Variants in ANKRD17 observed in about 807,000 individuals in gnomAD.
ANKRD17 encodes ankyrin repeat domain-containing protein 17.
Under a neutral mutation model 229.7 loss-of-function variants are expected in ANKRD17, and 19 were observed. The ratio of observed to expected loss-of-function variants is 0.08; its 90% confidence interval spans 0.06 to 0.12. The LOEUF is 0.12. ANKRD17 is among the 10% of genes least tolerant of loss of function. ANKRD17 has a pLI of 1.00. For synonymous variants in ANKRD17, 1,112 were observed against 1,146.1 expected (o/e 0.97, Z 0.60); for missense variants, 2,176 against 3,176.8 (o/e 0.68, Z 7.57).
chr4:73,111,156 A>G (rs1223730154), intron 24 of ANKRD17, among the ~76,000 whole-genome samples: 4 of 152,190 alleles, frequency 2.6e-5, no homozygotes, highest in Non-Finnish European at 5.9e-5. Flanking sequence ...CCCTGTATAT[A>G]TATGTTTTTT....
intron 1 of ANKRD17, among the ~76,000 whole-genome samples, chr4:73,178,833 A>T (rs967592076): frequency 2.0e-5 from 3 of 152,160 alleles, no homozygotes; most frequent in Non-Finnish European, 4.4e-5. Flanking sequence ...GCTACTTACA[A>T]ATAGGTACTA....
Position 73,085,320 on chromosome 4 carries a change from G to A in ANKRD17, c.7088C>T (p.Ala2363Val), listed in dbSNP as rs752354539. The A allele has an allele frequency of 6.2e-7, 1 of 1,614,120 alleles. No homozygotes were observed. The highest frequency in any genetic ancestry group is 8.5e-7 in the Non-Finnish European group (1 of 1,180,026). ...GPGAPLGGAP[A>V]AANFNRQHFS... ...ATGTTGTCTGTTAAAGTTAGCAGCT[G>A]CGGGTGCTCCTCCAAGGGGTGCCCC... is the stretch of plus-strand genomic sequence containing the variant. Residue 2363 changes from alanine to valine, a missense_variant, in exon 30 of 34, where the codon GCA becomes GTA. Coordinates refer to ENST00000358602, the MANE Select transcript of ANKRD17 (RefSeq NM_032217.5).
At position 73,177,352 on chromosome 4, in the gene ANKRD17, T is replaced by C. The variant is rs747012178; in HGVS notation, c.547+28A>G. ...TGATGTGCAACTTTACATAACAAGG[T>C]AGACTTATTACTATGTAGAGTACAT... On this transcript the variant is annotated intron_variant, in intron 2 of 33. Transcript: ENST00000358602. 1.6e-5 allele frequency: 23 copies of C among 1,474,792 alleles called. 3 individuals are homozygous for C. Among genetic ancestry groups the C allele is most frequent in the Non-Finnish European group, 1.7e-5 (19 of 1,101,810 alleles). 91.4% of individuals were successfully genotyped at this position (1,474,792 alleles called of 1,614,324 possible).
intron 2 of ANKRD17, among the ~76,000 whole-genome samples, chr4:73,171,709 G>A (rs1188175329): frequency 3.3e-5 from 5 of 152,104 alleles, no homozygotes; most frequent in Non-Finnish European, 7.4e-5. Flanking sequence ...TAAATTTAAC[G>A]AAGAGACTGA....
chr4:73,158,117 AGAGAAAGAAAGAAG>A (rs1187654244), intron 3 of ANKRD17, among the ~76,000 whole-genome samples: 3 of 144,644 alleles, frequency 2.1e-5, no homozygotes, highest in African/African-American at 7.7e-5. Context: ...GGAAAGAAGG[AGAGAAAGAAAGAAG>A]GAGAAAGAAA....
intron 1 of ANKRD17, among the ~76,000 whole-genome samples, chr4:73,232,688 AACAACTAGGTAG>A (rs1265443100): frequency 6.6e-6 from 1 of 152,070 alleles, no homozygotes; most frequent in African/African-American, 2.4e-5. Flanking sequence ...AGCAGTATTA[AACAACTAGGTAG>A]AGGCCACCAC....
intron 7 of ANKRD17, 34 bp downstream of exon 7, chr4:73,151,396 T>C (rs1242348755): frequency 4.4e-6 from 7 of 1,590,744 alleles, no homozygotes; most frequent in Non-Finnish European, 6.0e-6. Context: ...CTGGTTAATA[T>C]ATAAACATAT....
At chr4:73,253,312 G>A (rs529390304) in intron 1 of ANKRD17, among the ~76,000 whole-genome samples, 2 of 152,312 alleles carry the variant, frequency 1.3e-5, no homozygotes, top group South Asian at 4.1e-4. Flanking sequence ...AAATCAAGGT[G>A]ACTTACAAGT....
chr4:73,181,498 G>T (rs183020435), intron 1 of ANKRD17, among the ~76,000 whole-genome samples: 152 of 152,216 alleles, frequency 1.0e-3, no homozygotes, highest in Admixed American at 3.9e-3. Context: ...CAAAACAAGT[G>T]AAGAGAGACT....
In ANKRD17 at chr4:73,186,651, A is replaced by G. The variant is rs1017348835; in HGVS notation, c.394-9118T>C. Reference sequence around the variant, plus strand: ...TGCTTCAAACTGCTATTTGCCTGCAACAATTGAGTATGACATTACTAACAA... The same window carrying G: ...TGCTTCAAACTGCTATTTGCCTGCAGCAATTGAGTATGACATTACTAACAA... On this transcript the variant is annotated intron_variant, in intron 1 of 33. Transcript: ENST00000358602. Among the ~76,000 whole-genome samples the G allele has an allele frequency of 4.3e-4, 66 of 152,188 alleles. 2 individuals carry two copies. Among genetic ancestry groups the G allele is most frequent in the Non-Finnish European group, 5.9e-5 (4 of 68,006 alleles).
chr4:73,185,532 A>C (rs1560679661), intron 1 of ANKRD17, among the ~76,000 whole-genome samples: 1 of 152,060 alleles, frequency 6.6e-6, no homozygotes, highest in Non-Finnish European at 1.5e-5. Flanking sequence ...TAATAAATCC[A>C]GTCAATGCAG....
At chr4:73,221,341 TTGTTC>T (rs1741826979) in intron 1 of ANKRD17, among the ~76,000 whole-genome samples, 1 of 152,032 alleles carries the variant, frequency 6.6e-6, no homozygotes, top group African/African-American at 2.4e-5. Flanking sequence ...AAAAAGCCAG[TTGTTC>T]AGGTAGCATT....
Position 73,083,210 on chromosome 4 carries a change from T to TGGTA in ANKRD17, c.7159+2035_7159+2038dup, listed in dbSNP as rs572422947. ...TCAAATGCAATATGTGAGCCTTGAG[T>TGGTA]GGTAGTTCCTGGTTCAAGAAAGAAA... is the stretch of plus-strand genomic sequence containing the variant. On this transcript the variant is annotated intron_variant, in intron 30 of 33. Coordinates refer to ENST00000358602, the MANE Select transcript of ANKRD17 (RefSeq NM_032217.5). 4.6e-5 allele frequency among the ~76,000 whole-genome samples: 7 copies of TGGTA among 152,282 alleles called. No homozygotes were observed. The East Asian group carries it at 1.3e-3, about 29-fold the overall frequency.
At chr4:73,194,884 T>A (rs1418328359) in intron 1 of ANKRD17, among the ~76,000 whole-genome samples, 1 of 152,142 alleles carries the variant, frequency 6.6e-6, no homozygotes, top group African/African-American at 2.4e-5. Flanking sequence ...GCACAAAAAC[T>A]ACATACATAC....
At chr4:73,246,816 T>A (rs1251606884) in intron 1 of ANKRD17, among the ~76,000 whole-genome samples, 2 of 152,096 alleles carry the variant, frequency 1.3e-5, no homozygotes, top group Non-Finnish European at 2.9e-5. Flanking sequence ...ATCAGTCAAC[T>A]GCTATAAAAA....
intron 26 of ANKRD17, among the ~76,000 whole-genome samples, chr4:73,097,854 C>CAA (rs11390517): frequency 4.8e-5 from 7 of 145,582 alleles, no homozygotes; most frequent in Admixed American, 1.4e-4. Context: ...GTTTAACAAC[C>CAA]AAAAAAAAAA....
At chr4:73,135,320 A>G (rs1395537276) in intron 15 of ANKRD17, 55 bp from the exon 16 acceptor site, 3 of 1,528,060 alleles carry the variant, frequency 2.0e-6, no homozygotes, top group Admixed American at 1.8e-5. Flanking sequence ...AAGTAATACT[A>G]AGACATATTC....
At position 73,176,497 on chromosome 4, in the gene ANKRD17, T is replaced by G. The variant is rs556287923; in HGVS notation, c.547+883A>C. Among the ~76,000 whole-genome samples the G allele has an allele frequency of 6.0e-4, 91 of 152,186 alleles. 1 individual carries two copies. The South Asian group carries it at 0.016, about 26-fold the overall frequency. On this transcript the variant is annotated intron_variant, in intron 2 of 33. Coordinates refer to ENST00000358602, the MANE Select transcript of ANKRD17 (RefSeq NM_032217.5). ...TCAGTATATTGAAGAGGTATCTGCATTCCCATGTTAATTAGAGCACTATTC... is the reference window on the plus strand; with the variant it reads ...TCAGTATATTGAAGAGGTATCTGCAGTCCCATGTTAATTAGAGCACTATTC...
At chr4:73,098,611 G>T in intron 25 of ANKRD17, 91 bp from the exon 26 acceptor site, 2 of 1,188,438 alleles carry the variant, frequency 1.7e-6, no homozygotes, top group South Asian at 1.5e-5. Flanking sequence ...AAACCCAGGA[G>T]AGATACTCTA....
Sources: gnomAD v4.1 joint callset for allele counts (sites outside exome capture counted in the v4.1 genomes callset) on GRCh38, gnomAD v4.1.1 for gene constraint, MANE v1.5 for transcripts, NCBI Gene and HGNC (gene_info 2026-07-23, HGNC 2026-07-21) for gene names.